PRKCB: variants seen among roughly 807,000 people sequenced by gnomAD.
PRKCB encodes the protein protein kinase C beta.
Under a neutral mutation model 81.5 loss-of-function variants are expected in PRKCB, and 13 were observed. That is an observed-to-expected ratio of 0.16 (90% confidence interval 0.10 to 0.25). The LOEUF (loss-of-function observed/expected upper bound fraction) is 0.25, where lower values mean the gene tolerates loss of function less well. PRKCB is among the 10% of genes least tolerant of loss of function. The probability of loss-of-function intolerance (pLI) is 1.00; values close to 1 mark genes in which losing one functional copy is unlikely to be tolerated. For synonymous variants in PRKCB, 335 were observed against 321.4 expected (o/e 1.04, Z -0.45); for missense variants, 509 against 875.7 (o/e 0.58, Z 5.29).
chr16:23,921,849 T>G (rs1174475208), intron 2 of PRKCB, among the ~76,000 whole-genome samples: 3 of 152,016 alleles, frequency 2.0e-5, no homozygotes, highest in Admixed American at 2.0e-4. Flanking sequence ...TGCCAGGAAA[T>G]AGATCATTAA....
intron 2 of PRKCB, among the ~76,000 whole-genome samples, chr16:23,930,712 A>T (rs1186527430): frequency 6.6e-6 from 1 of 152,142 alleles, no homozygotes; most frequent in African/African-American, 2.4e-5. Flanking sequence ...CTCAAACAAA[A>T]ACATTTAGTA....
At chr16:24,060,897 A>G (rs1438027195) in intron 5 of PRKCB, among the ~76,000 whole-genome samples, 6 of 152,160 alleles carry the variant, frequency 3.9e-5, no homozygotes, top group African/African-American at 1.2e-4. Flanking sequence ...CCGCCTGCAT[A>G]CAATATCCAG....
Position 24,021,072 on chromosome 16 carries a change from C to CTCCT in PRKCB, c.289-11063_289-11062insCCTT. On this transcript the variant is annotated intron_variant, in intron 3 of 16. Coordinates refer to ENST00000643927, the MANE Select transcript of PRKCB (RefSeq NM_002738.7). ...TTTCTTTCTTTCCCTCCCTCCCTCC[C>CTCCT]TTCTTTCTTTCTTTCTTTTTTTCTT... Among the ~76,000 whole-genome samples, 508 of 94,370 alleles carry CTCCT rather than the reference C, an allele frequency of 5.4e-3. 1 individual carries two copies. The highest frequency in any genetic ancestry group is 0.013 in the South Asian group (35 of 2,726). 61.9% of individuals were successfully genotyped at this position (94,370 alleles called of 152,430 possible).
At position 23,946,344 on chromosome 16, in the gene PRKCB, G is replaced by A. The variant is rs114947370; in HGVS notation, c.206-42164G>A. ...AGAATGAGTAGTTTTGAGTCACCAG[G>A]TACCCTGAAGTGGTACCTGAAGGTA... On this transcript the variant is annotated intron_variant, in intron 2 of 16. Transcript: ENST00000643927. Among the ~76,000 whole-genome samples the A allele has an allele frequency of 3.2e-3, 480 of 152,282 alleles. 2 individuals are homozygous for A. Among genetic ancestry groups the A allele is most frequent in the African/African-American group, 0.011 (455 of 41,580 alleles).
chr16:23,967,830 T>A (rs36121434), intron 2 of PRKCB, among the ~76,000 whole-genome samples: 9,997 of 152,200 alleles, frequency 0.066, 439 homozygotes, highest in Middle Eastern at 0.13. Flanking sequence ...TTTTTGTATG[T>A]TTAGTAGAGA....
intron 7 of PRKCB, among the ~76,000 whole-genome samples, chr16:24,095,797 C>T (rs1048458831): frequency 2.6e-5 from 4 of 152,012 alleles, no homozygotes; most frequent in Admixed American, 6.6e-5. Context: ...CCTGAAGAGA[C>T]ATCTCAAAAG....
At chr16:24,113,104 TTC>T (rs1363474063) in intron 8 of PRKCB, 35 bp downstream of exon 8, 3 of 1,538,390 alleles carry the variant, frequency 2.0e-6, no homozygotes, top group Non-Finnish European at 2.7e-6. Flanking sequence ...TCTTTCTTTT[TTC>T]TCTTTCTTTT....
intron 5 of PRKCB, among the ~76,000 whole-genome samples, chr16:24,080,671 A>G (rs1038443528): frequency 6.6e-5 from 10 of 152,212 alleles, no homozygotes; most frequent in Non-Finnish European, 1.0e-4. Flanking sequence ...AGGTAGAAGT[A>G]AAATCATAAG....
chr16:23,929,334 C>T (rs774700257), intron 2 of PRKCB, among the ~76,000 whole-genome samples: 9 of 152,096 alleles, frequency 5.9e-5, no homozygotes, highest in Admixed American at 1.3e-4. Context: ...GTGACCTCCA[C>T]AGGATACTGG....
At chr16:24,033,147 T>C (rs1965569797) in intron 4 of PRKCB, among the ~76,000 whole-genome samples, 1 of 152,132 alleles carries the variant, frequency 6.6e-6, no homozygotes, top group Admixed American at 6.5e-5. Flanking sequence ...CTGGAGGTGC[T>C]GGTGGCTCCC....
intron 2 of PRKCB, among the ~76,000 whole-genome samples, chr16:23,949,990 C>T (rs1310271794): frequency 6.6e-6 from 1 of 152,140 alleles, no homozygotes; most frequent in Non-Finnish European, 1.5e-5. Flanking sequence ...TCACCTGGGC[C>T]CAGAGACCAC....
intron 2 of PRKCB, among the ~76,000 whole-genome samples, chr16:23,921,854 C>A (rs566069032): frequency 2.0e-5 from 3 of 152,026 alleles, no homozygotes; most frequent in Admixed American, 6.6e-5. Context: ...GGAAATAGAT[C>A]ATTAATTCTG....
At chr16:23,940,425 C>G (rs1964127086) in intron 2 of PRKCB, among the ~76,000 whole-genome samples, 1 of 151,718 alleles carries the variant, frequency 6.6e-6, no homozygotes, top group Non-Finnish European at 1.5e-5. Flanking sequence ...AAAAAACCCA[C>G]AAGAGAAACC....
chr16:23,865,261 TTGTTTG>T (rs1419903488), intron 2 of PRKCB, among the ~76,000 whole-genome samples: 8 of 59,718 alleles, frequency 1.3e-4, no homozygotes, highest in East Asian at 5.1e-4. Flanking sequence ...ATTTTCTGTT[TTGTTTG>T]TGTGTGTGTG....
chr16:23,988,297 T>C lies in PRKCB; in HGVS notation c.206-211T>C, dbSNP rs192253333. On this transcript the variant is annotated intron_variant, in intron 2 of 16. Transcript: ENST00000643927. ...CTAACCCTAGCTAACTTTAGAAGTT[T>C]AACTCCTATGCAAGATGAAGCATCT... Among the ~76,000 whole-genome samples the C allele has an allele frequency of 4.3e-3, 660 of 152,342 alleles. 7 individuals carry two copies. The highest frequency in any genetic ancestry group is 0.015 in the African/African-American group (643 of 41,576).
intron 3 of PRKCB, among the ~76,000 whole-genome samples, chr16:24,017,973 A>G (rs1438093442): frequency 7.1e-6 from 1 of 141,766 alleles, no homozygotes; most frequent in African/African-American, 2.7e-5. Flanking sequence ...ATCTCAGCTC[A>G]CTGCAAGCTC....
intron 7 of PRKCB, chr16:24,099,405 C>A (rs1190624454): frequency 6.6e-6 from 1 of 152,196 alleles, no homozygotes; most frequent in Non-Finnish European, 1.5e-5. Flanking sequence ...GAAGTTTATT[C>A]TGAGTCAATA....
At chr16:24,038,835 A>G (rs1227230430) in intron 5 of PRKCB, among the ~76,000 whole-genome samples, 3 of 152,178 alleles carry the variant, frequency 2.0e-5, no homozygotes, top group Non-Finnish European at 4.4e-5. Context: ...TTTGTACCAA[A>G]CACTGTAGCA....
chr16:24,185,413 G>T, intron 14 of PRKCB, 47 bp from the exon 15 acceptor site: 1 of 1,546,336 alleles, frequency 6.5e-7, no homozygotes. Flanking sequence ...GCTAGGGGGA[G>T]GGTTCAAGCA....
Sources: gnomAD v4.1 joint callset for allele counts (sites outside exome capture counted in the v4.1 genomes callset) on GRCh38, gnomAD v4.1.1 for gene constraint, MANE v1.5 for transcripts, NCBI Gene and HGNC (gene_info 2026-07-23, HGNC 2026-07-21) for gene names.